The following VRK2 variants were observed in gnomAD, a reference collection of about 807,000 sequenced individuals.
VRK2 encodes serine/threonine-protein kinase VRK2.
A neutral mutation model predicts 57.6 loss-of-function variants in VRK2; 60 were observed. That is an observed-to-expected ratio of 1.04 (90% CI 0.85 to 1.29). The LOEUF (loss-of-function observed/expected upper bound fraction) is 1.29. Among genes scored for constraint, VRK2 ranks in the 50% most tolerant of loss-of-function variants. The pLI is 0.00. For synonymous variants in VRK2, 231 were observed against 199.2 expected (o/e 1.16, Z -1.35); for missense variants, 705 against 588.1 (o/e 1.20, Z -2.06).
chr2:58,120,975 C>G (rs997154634), intron 7 of VRK2, among the ~76,000 whole-genome samples: 1 of 152,230 alleles, frequency 6.6e-6, no homozygotes, highest in African/African-American at 2.4e-5. Context: ...TCGCCTCTCT[C>G]CTATTGCAGT....
intron 2 of VRK2, chr2:58,028,240 A>C (rs1197040750): frequency 1.3e-5 from 2 of 152,280 alleles, no homozygotes; most frequent in Middle Eastern, 3.4e-3. Context: ...GTGACACTTA[A>C]GAGTGACAAG....
At chr2:57,926,418 C>CAT (rs576192570) in intron 1 of VRK2, among the ~76,000 whole-genome samples, 54 of 127,484 alleles carry the variant, frequency 4.2e-4, no homozygotes, top group Admixed American at 3.2e-3. Flanking sequence ...TCCAGTGTCA[C>CAT]ATATATATAT....
chr2:58,109,324 A>G (rs529977424), intron 7 of VRK2, among the ~76,000 whole-genome samples: 1 of 152,290 alleles, frequency 6.6e-6, no homozygotes, highest in East Asian at 1.9e-4. Context: ...TAAAAAAGCT[A>G]AATAACTTTG....
intron 1 of VRK2, among the ~76,000 whole-genome samples, chr2:57,951,120 G>A (rs566580879): frequency 3.3e-5 from 5 of 152,070 alleles, no homozygotes; most frequent in African/African-American, 1.2e-4. Flanking sequence ...AATAAACATT[G>A]GTGATTCATG....
intron 2 of VRK2, among the ~76,000 whole-genome samples, chr2:58,056,571 T>C (rs1480286175): frequency 1.3e-5 from 2 of 151,632 alleles, no homozygotes; most frequent in Non-Finnish European, 2.9e-5. Flanking sequence ...CTGTTCTGCT[T>C]AGGTAGTGTG....
intron 7 of VRK2, among the ~76,000 whole-genome samples, chr2:58,104,770 G>A (rs1183256622): frequency 6.6e-6 from 1 of 151,882 alleles, no homozygotes; most frequent in Non-Finnish European, 1.5e-5. Flanking sequence ...TAAGCCCAAA[G>A]AACAAAGCTG....
chr2:58,014,206 G>C (rs933508031), intron 1 of VRK2, among the ~76,000 whole-genome samples: 2 of 152,068 alleles, frequency 1.3e-5, no homozygotes, highest in Non-Finnish European at 2.9e-5. Context: ...ATCTGCTCTA[G>C]GTAGTCTGCC....
At chr2:57,959,207 G>C (rs888510301) in intron 1 of VRK2, among the ~76,000 whole-genome samples, 3 of 152,094 alleles carry the variant, frequency 2.0e-5, no homozygotes, top group African/African-American at 7.2e-5. Flanking sequence ...TCCAGAAACT[G>C]GATCTTAAAT....
At chr2:58,073,449 A>G (rs1282557947) in intron 2 of VRK2, among the ~76,000 whole-genome samples, 1 of 151,758 alleles carries the variant, frequency 6.6e-6, no homozygotes, top group Non-Finnish European at 1.5e-5. Flanking sequence ...TTTTCCTTCC[A>G]GTTCTCTTAG....
rs1306724750 is a variant in VRK2 at position 58,084,890 on chromosome 2, G to C, written c.196G>C (p.Glu66Gln). ...ATTCTTTTTTTTATAGGAATATCAAGAAAATGGCCCGTTATTTTCAGAACT... is the reference window on the plus strand; with the variant it reads ...ATTCTTTTTTTTATAGGAATATCAACAAAATGGCCCGTTATTTTCAGAACT... ...ARHVVKVEYQ[E>Q]NGPLFSELKF... The change falls in exon 4 of 13, where the codon GAA (glutamate) becomes CAA (glutamine). Residue 66 changes from glutamate to glutamine, a missense_variant. By Grantham distance (29) the Glu-to-Gln change is conservative (BLOSUM62 2). Coordinates refer to ENST00000340157, the MANE Select transcript of VRK2 (RefSeq NM_006296.7). 3 of 1,573,734 alleles carry C rather than the reference G, an allele frequency of 1.9e-6. No individual in the cohort carries two copies. Among genetic ancestry groups the C allele is most frequent in the Non-Finnish European group, 1.7e-6 (2 of 1,159,924 alleles).
intron 7 of VRK2, among the ~76,000 whole-genome samples, chr2:58,106,753 G>T (rs1000707851): frequency 7.6e-6 from 1 of 132,024 alleles, no homozygotes; most frequent in Non-Finnish European, 1.8e-5. Context: ...CATCAAAACA[G>T]AAACTGCTTT....
At chr2:58,101,898 C>A (rs964116542) in intron 7 of VRK2, among the ~76,000 whole-genome samples, 1 of 151,480 alleles carries the variant, frequency 6.6e-6, no homozygotes, top group African/African-American at 2.4e-5. Context: ...AATAAGCATT[C>A]AATAAGTGAT....
At chr2:58,017,069 C>A (rs537904962) in intron 1 of VRK2, among the ~76,000 whole-genome samples, 34 of 152,144 alleles carry the variant, frequency 2.2e-4, no homozygotes, top group African/African-American at 8.2e-4. Context: ...ATCTGGGAGT[C>A]CCAAGTGGCT....
At chr2:57,986,439 G>A (rs1461483833) in intron 1 of VRK2, among the ~76,000 whole-genome samples, 1 of 151,934 alleles carries the variant, frequency 6.6e-6, no homozygotes, top group Admixed American at 6.6e-5. Flanking sequence ...AATTTATATG[G>A]AAAGCCAAGG....
At chr2:58,132,289 CTG>C (rs948968167) in intron 9 of VRK2, among the ~76,000 whole-genome samples, 2 of 152,112 alleles carry the variant, frequency 1.3e-5, no homozygotes, top group Non-Finnish European at 2.9e-5. Context: ...TTGATATTAA[CTG>C]TGTAAAACAG....
intron 2 of VRK2, among the ~76,000 whole-genome samples, chr2:58,052,212 A>G (rs1386648799): frequency 6.6e-6 from 1 of 152,222 alleles, no homozygotes; most frequent in African/African-American, 2.4e-5. Flanking sequence ...TTGTGATAAT[A>G]ATAATTGTGA....
At chr2:57,960,146 G>A (rs1023721040) in intron 1 of VRK2, among the ~76,000 whole-genome samples, 6 of 152,086 alleles carry the variant, frequency 3.9e-5, no homozygotes. Flanking sequence ...CCGTGCCCCT[G>A]TGTAAAGGTG....
chr2:57,959,330 A>T (rs1464454065), intron 1 of VRK2, among the ~76,000 whole-genome samples: 7 of 152,244 alleles, frequency 4.6e-5, no homozygotes, highest in Admixed American at 4.6e-4. Context: ...TGTGAATCGA[A>T]CAATAATCAT....
At chr2:57,914,999 A>G (rs1670102342) in intron 1 of VRK2, among the ~76,000 whole-genome samples, 1 of 152,162 alleles carries the variant, frequency 6.6e-6, no homozygotes, top group African/African-American at 2.4e-5. Context: ...CAAGATCCTC[A>G]CACAAAAAAT....
Sources: allele counts gnomAD v4.1 joint callset (sites outside exome capture counted in the v4.1 genomes callset), GRCh38; gene constraint gnomAD v4.1.1; transcripts MANE v1.5; gene names NCBI Gene and HGNC (gene_info 2026-07-23, HGNC 2026-07-21).